CPAMD8: variants seen among roughly 807,000 people sequenced by gnomAD.
CPAMD8 encodes the protein C3 and PZP like alpha-2-macroglobulin domain containing 8.
Under a neutral mutation model 224.7 loss-of-function variants are expected in CPAMD8, and 146 were observed. That is an observed-to-expected ratio of 0.65 (90% CI 0.57 to 0.75). The LOEUF is 0.75. Ranked by LOEUF, CPAMD8 falls within the 30% of genes least tolerant of loss-of-function variation. The probability of loss-of-function intolerance (pLI) is 0.00; values close to 1 mark genes in which losing one functional copy is unlikely to be tolerated. For missense variants in CPAMD8, 2,301 were observed against 2,537.5 expected (o/e 0.91, Z 2.00); for synonymous variants, 966 against 1,044.6 (o/e 0.92, Z 1.45).
chr19:16,922,087 G>A (rs1328886071), intron 26 of CPAMD8, 101 bp from the exon 27 acceptor site: 5 of 731,538 alleles, frequency 6.8e-6, no homozygotes, highest in East Asian at 5.5e-5. Flanking sequence ...CCGGATCTCC[G>A]AAGCCACACC....
chr19:16,981,221 C>T (rs1051757189), intron 13 of CPAMD8, among the ~76,000 whole-genome samples: 2 of 151,932 alleles, frequency 1.3e-5, no homozygotes, highest in African/African-American at 2.4e-5. Context: ...ATTGGCCAGG[C>T]GTGGTGGCAC....
intron 27 of CPAMD8, among the ~76,000 whole-genome samples, chr19:16,918,711 G>A (rs2144871195): frequency 6.7e-6 from 1 of 148,740 alleles, no homozygotes; most frequent in Admixed American, 6.7e-5. Flanking sequence ...CTTCCCCAAA[G>A]TGCAGGGATG....
intron 18 of CPAMD8, among the ~76,000 whole-genome samples, chr19:16,958,500 T>C (rs182743794): frequency 3.3e-4 from 50 of 152,352 alleles, no homozygotes; most frequent in African/African-American, 1.0e-3. Context: ...CTGTACCACA[T>C]TTTATTTATC....
chr19:16,902,174 G>A (rs1009658553), intron 35 of CPAMD8, among the ~76,000 whole-genome samples: 1 of 151,404 alleles, frequency 6.6e-6, no homozygotes, highest in Non-Finnish European at 1.5e-5. Context: ...CAGCCCACCC[G>A]CCCCGACCAT....
chr19:16,906,350 C>T (rs1262952657), intron 30 of CPAMD8, among the ~76,000 whole-genome samples: 1 of 27,432 alleles, frequency 3.6e-5, no homozygotes, highest in Admixed American at 4.5e-4. Context: ...TTCTTTCTTT[C>T]TTTCTTTCTT....
At chr19:16,992,342 T>C (rs1156276976) in intron 12 of CPAMD8, among the ~76,000 whole-genome samples, 3 of 152,118 alleles carry the variant, frequency 2.0e-5, no homozygotes, top group African/African-American at 7.2e-5. Flanking sequence ...ATAATCCCTA[T>C]GCTTTGGGAG....
At chr19:16,987,160 AAAAAAAAAAAAAAAAAAAAAT>A (rs2055752248) in intron 13 of CPAMD8, among the ~76,000 whole-genome samples, 1 of 92,372 alleles carries the variant, frequency 1.1e-5, no homozygotes, top group African/African-American at 4.9e-5. Flanking sequence ...GTCAAAAAAA[AAAAAAAAAAAAAAAAAAAAAT>A]ATATATATAT....
At chr19:17,022,232 C>T (rs371353405) in intron 1 of CPAMD8, 51 bp from the exon 2 acceptor site, 152 of 1,576,498 alleles carry the variant, frequency 9.6e-5, no homozygotes, top group East Asian at 1.9e-4. Context: ...CCCCTGGTCT[C>T]GCTGCCACCA....
intron 22 of CPAMD8, among the ~76,000 whole-genome samples, chr19:16,944,536 G>T (rs968927118): frequency 1.3e-5 from 2 of 152,080 alleles, no homozygotes; most frequent in African/African-American, 2.4e-5. Flanking sequence ...CTCCTTCTTG[G>T]GCCTTAGGAG....
intron 30 of CPAMD8, among the ~76,000 whole-genome samples, chr19:16,906,394 CTTTCTT>C (rs1568459730): frequency 1.2e-3 from 99 of 85,192 alleles, no homozygotes; most frequent in African/African-American, 3.3e-3. Flanking sequence ...TTCTTTCTTT[CTTTCTT>C]TCTTTCTTTC....
chr19:16,922,016 T>C, intron 26 of CPAMD8, 30 bp from the exon 27 acceptor site: 3 of 1,508,560 alleles, frequency 2.0e-6, no homozygotes, highest in Non-Finnish European at 2.7e-6. Context: ...GACCCTGTCC[T>C]GTTGAGTGGC....
intron 18 of CPAMD8, among the ~76,000 whole-genome samples, chr19:16,963,702 A>C (rs1241111544): frequency 1.3e-5 from 2 of 152,224 alleles, no homozygotes; most frequent in Admixed American, 6.5e-5. Flanking sequence ...CCTAATAGAC[A>C]TCTACAGAAC....
intron 3 of CPAMD8, among the ~76,000 whole-genome samples, chr19:17,014,290 C>T (rs1227029384): frequency 6.6e-6 from 1 of 152,080 alleles, no homozygotes; most frequent in Non-Finnish European, 1.5e-5. Context: ...AACTCCTGGG[C>T]TCATGTGATC....
chr19:16,930,248 T>G (rs2053505646), intron 23 of CPAMD8, among the ~76,000 whole-genome samples: 1 of 144,618 alleles, frequency 6.9e-6, no homozygotes, highest in African/African-American at 2.6e-5. Context: ...AGAGTGAAAC[T>G]CCATCTCAAA....
chr19:16,997,387 T>C, intron 10 of CPAMD8, 49 bp from the exon 11 acceptor site: 1 of 1,100,186 alleles, frequency 9.1e-7, no homozygotes, highest in South Asian at 1.3e-5. Flanking sequence ...TTGGAGTGTC[T>C]TTGAGGGATG....
chr19:16,900,178 G>C (rs566491817), intron 36 of CPAMD8, among the ~76,000 whole-genome samples: 57 of 151,914 alleles, frequency 3.8e-4, no homozygotes, highest in African/African-American at 1.4e-3. Context: ...CATGGCACTG[G>C]TCTGTCTTAG....
At chr19:17,005,894 C>G (rs924443357) in intron 7 of CPAMD8, among the ~76,000 whole-genome samples, 2 of 152,052 alleles carry the variant, frequency 1.3e-5, no homozygotes, top group Non-Finnish European at 2.9e-5. Flanking sequence ...GCCAACTTTG[C>G]CAAGTGCTCC....
At chr19:16,985,840 A>G (rs2055702341) in intron 13 of CPAMD8, among the ~76,000 whole-genome samples, 1 of 151,760 alleles carries the variant, frequency 6.6e-6, no homozygotes, top group Non-Finnish European at 1.5e-5. Context: ...GGAGAGAGAG[A>G]TGGAGGGTGG....
At position 16,927,885 on chromosome 19, in the gene CPAMD8, G is replaced by A. The variant is rs1467428110; in HGVS notation, c.3370+124C>T. The A allele has an allele frequency of 7.1e-6, 5 of 702,570 alleles. No individual in the cohort carries two copies. In the Admixed American group the frequency reaches 1.1e-4, roughly 15 times the overall value. 43.5% of individuals were successfully genotyped at this position (702,570 alleles called of 1,614,324 possible). On this transcript the variant is annotated intron_variant, in intron 25 of 41. Transcript: ENST00000443236. ...CTGGAAGCTGCTTGTCAGGTGAGTGGGTGTATGGGTGGACACCCCAAGACA... is the reference window on the plus strand; with the variant it reads ...CTGGAAGCTGCTTGTCAGGTGAGTGAGTGTATGGGTGGACACCCCAAGACA...
Sources: gnomAD v4.1 joint callset for allele counts (sites outside exome capture counted in the v4.1 genomes callset) on GRCh38, gnomAD v4.1.1 for gene constraint, MANE v1.5 for transcripts, NCBI Gene and HGNC (gene_info 2026-07-23, HGNC 2026-07-21) for gene names.